PDE10A: variants seen among roughly 807,000 people sequenced by gnomAD.
PDE10A encodes phosphodiesterase 10A, also known as cAMP and cAMP-inhibited cGMP 3',5'-cyclic phosphodiesterase 10A.
A neutral mutation model predicts 97.7 loss-of-function variants in PDE10A; 39 were observed. The observed-to-expected ratio is 0.40, with a 90% confidence interval of 0.31 to 0.52. The LOEUF (loss-of-function observed/expected upper bound fraction) is 0.52, where lower values mean the gene tolerates loss of function less well. Ranked by LOEUF, PDE10A falls within the 20% of genes least tolerant of loss-of-function variation. The pLI, the probability that PDE10A is intolerant of heterozygous loss-of-function variation, is 0.56. For missense variants in PDE10A, 731 were observed against 1,047.8 expected (o/e 0.70, Z 4.17); for synonymous variants, 371 against 376.8 (o/e 0.98, Z 0.18).
At chr6:165,501,001 C>T (rs927032635) in intron 2 of PDE10A, among the ~76,000 whole-genome samples, 26 of 152,068 alleles carry the variant, frequency 1.7e-4, no homozygotes, top group Non-Finnish European at 1.5e-5. Flanking sequence ...CCTGCTGACC[C>T]TCTCCCCACT....
intron 1 of PDE10A, among the ~76,000 whole-genome samples, chr6:165,959,032 A>G (rs1277838796): frequency 6.6e-6 from 1 of 152,206 alleles, no homozygotes; most frequent in Non-Finnish European, 1.5e-5. Context: ...CCCTCTAACC[A>G]GGCTGAGAAC....
In PDE10A at chr6:165,339,862, C is replaced by G. The variant is rs114611607; in HGVS notation, c.2896-504G>C. Among the ~76,000 whole-genome samples, 857 of 152,286 alleles carry G rather than the reference C, an allele frequency of 5.6e-3. 10 individuals carry two copies. Among genetic ancestry groups the G allele is most frequent in the African/African-American group, 0.019 (796 of 41,546 alleles). ...ATCTAATTTACAATTATAGGTAATA[C>G]TTACTAAAGATTAACTATGTTAGTT... On this transcript the variant is annotated intron_variant, in intron 19 of 21. Coordinates refer to ENST00000539869, the MANE Select transcript of PDE10A (RefSeq NM_001385079.1).
chr6:165,719,878 C>T (rs140823882), intron 1 of PDE10A, among the ~76,000 whole-genome samples: 11 of 152,286 alleles, frequency 7.2e-5, no homozygotes, highest in African/African-American at 2.4e-4. Context: ...AATCCAAGTA[C>T]CCTATTTGGC....
At chr6:165,645,957 G>A (rs1237817890) in intron 1 of PDE10A, among the ~76,000 whole-genome samples, 1 of 152,020 alleles carries the variant, frequency 6.6e-6, no homozygotes, top group Non-Finnish European at 1.5e-5. Context: ...TCCACTTGAG[G>A]ACAATGCCCT....
At chr6:165,503,572 G>C (rs1209130608) in intron 2 of PDE10A, among the ~76,000 whole-genome samples, 2 of 152,160 alleles carry the variant, frequency 1.3e-5, no homozygotes, top group Non-Finnish European at 2.9e-5. Context: ...TAAGAACCCA[G>C]AGGATCAACA....
At chr6:165,745,911 G>A (rs562555962) in intron 1 of PDE10A, among the ~76,000 whole-genome samples, 1 of 152,344 alleles carries the variant, frequency 6.6e-6, no homozygotes, top group Non-Finnish European at 1.5e-5. Context: ...TACACGATTG[G>A]GGTGTGTGTC....
chr6:165,388,036 G>T lies in PDE10A; in HGVS notation c.2610+262C>A, dbSNP rs1177518111. ...ATTTAAACTATGTAAAATAAGTATT[G>T]CTTTAGGGTTACAGGTACTTACTGA... On this transcript the variant is annotated intron_variant, in intron 17 of 21. Coordinates refer to ENST00000539869, the MANE Select transcript of PDE10A (RefSeq NM_001385079.1). This position sits in a 1 kb window ranked among gnomAD's most constrained non-coding sequence, Gnocchi z 4.0. Among the ~76,000 whole-genome samples, 1 of 152,072 alleles carries T rather than the reference G, an allele frequency of 6.6e-6. No homozygotes were observed. Among genetic ancestry groups the T allele is most frequent in the Non-Finnish European group, 1.5e-5 (1 of 68,008 alleles).
intron 1 of PDE10A, among the ~76,000 whole-genome samples, chr6:165,658,022 C>T (rs1303788696): frequency 6.6e-6 from 1 of 152,168 alleles, no homozygotes; most frequent in Non-Finnish European, 1.5e-5. Context: ...AGATACTCAA[C>T]AAGTATCTGT....
chr6:165,507,472 A>G (rs939481226), intron 2 of PDE10A, among the ~76,000 whole-genome samples: 4 of 152,056 alleles, frequency 2.6e-5, no homozygotes, highest in Admixed American at 2.0e-4. Flanking sequence ...GACTCCTACT[A>G]TCATGATCTA....
At chr6:165,342,018 C>A (rs1023279035) in intron 19 of PDE10A, among the ~76,000 whole-genome samples, 1 of 152,082 alleles carries the variant, frequency 6.6e-6, no homozygotes, top group Non-Finnish European at 1.5e-5. Flanking sequence ...TACGCAGTTA[C>A]AATTTAACAC....
intron 1 of PDE10A, among the ~76,000 whole-genome samples, chr6:165,690,096 A>C (rs1791230028): frequency 6.6e-6 from 1 of 152,176 alleles, no homozygotes; most frequent in South Asian, 2.1e-4. Flanking sequence ...CTCTTTGGTC[A>C]CACAGAGAAT....
At chr6:165,739,167 C>T (rs545049174) in intron 1 of PDE10A, among the ~76,000 whole-genome samples, 2 of 152,298 alleles carry the variant, frequency 1.3e-5, no homozygotes, top group South Asian at 4.1e-4. Context: ...TCACAGGACC[C>T]TGGATAGTCA....
chr6:165,739,749 A>T (rs1045017994), intron 1 of PDE10A, among the ~76,000 whole-genome samples: 1 of 152,226 alleles, frequency 6.6e-6, no homozygotes, highest in African/African-American at 2.4e-5. Flanking sequence ...TATCCAAAAT[A>T]GGTAAGGAAC....
At chr6:165,528,454 A>G (rs902519916) in intron 2 of PDE10A, among the ~76,000 whole-genome samples, 4 of 152,122 alleles carry the variant, frequency 2.6e-5, no homozygotes, top group Non-Finnish European at 5.9e-5. Context: ...AGACACCAAC[A>G]CTAAGCCCTC....
At chr6:165,600,342 G>T (rs1476176977) in intron 1 of PDE10A, among the ~76,000 whole-genome samples, 2 of 152,188 alleles carry the variant, frequency 1.3e-5, no homozygotes, top group Non-Finnish European at 2.9e-5. Context: ...CCAGGAAAAT[G>T]GAGTGAATGA....
chr6:165,649,017 G>A (rs1466062062), intron 1 of PDE10A, among the ~76,000 whole-genome samples: 2 of 152,146 alleles, frequency 1.3e-5, no homozygotes, highest in Non-Finnish European at 2.9e-5. Context: ...CCCCAGAACA[G>A]TCTCCTGTGA....
At chr6:165,410,964 G>C (rs1376181629) in intron 13 of PDE10A, among the ~76,000 whole-genome samples, 1 of 79,772 alleles carries the variant, frequency 1.3e-5, no homozygotes. Context: ...GGCGGTGCCT[G>C]TAGTCCCAGC....
chr6:165,582,457 GT>G (rs1358237551), intron 1 of PDE10A, among the ~76,000 whole-genome samples: 2 of 151,946 alleles, frequency 1.3e-5, no homozygotes, highest in Non-Finnish European at 2.9e-5. Flanking sequence ...TTTTTCTAAG[GT>G]ACAGTTGTTC....
At chr6:165,453,133 C>T (rs1228168029) in intron 3 of PDE10A, among the ~76,000 whole-genome samples, 1 of 152,040 alleles carries the variant, frequency 6.6e-6, no homozygotes, top group Non-Finnish European at 1.5e-5. Context: ...AACTTAAGGG[C>T]AATGAACTCA....
Sources: gnomAD v4.1 joint callset for allele counts (sites outside exome capture counted in the v4.1 genomes callset) on GRCh38, gnomAD v4.1.1 for gene constraint, Gnocchi (gnomAD v3.1) non-coding constraint, MANE v1.5 for transcripts, NCBI Gene and HGNC (gene_info 2026-07-23, HGNC 2026-07-21) for gene names.